The following WDR27 variants were observed in gnomAD, a reference collection of about 807,000 sequenced individuals.
WDR27 encodes the protein WD repeat-containing protein 27.
A neutral mutation model predicts 114.4 loss-of-function variants in WDR27; 100 were observed. The ratio of observed to expected loss-of-function variants is 0.87; its 90% CI spans 0.74 to 1.03. WDR27 has a LOEUF of 1.03. WDR27 is among the 50% of genes least tolerant of loss of function. The pLI is 0.00. For synonymous variants in WDR27, 449 were observed against 423.1 expected, an observed-to-expected ratio of 1.06 and a Z score of -0.75; for missense variants, 1,129 against 1,092.9, an observed-to-expected ratio of 1.03 and a Z score of -0.47.
At chr6:169,688,757 AAGACATGG>A in intron 2 of WDR27, 52 bp downstream of exon 2, 1 of 1,381,890 alleles carries the variant, frequency 7.2e-7, no homozygotes, top group South Asian at 1.8e-5. Flanking sequence ...AACAGCATCA[AAGACATGG>A]AGAGACAAGG....
At chr6:169,624,337 C>T (rs1212858434) in intron 21 of WDR27, among the ~76,000 whole-genome samples, 1 of 152,142 alleles carries the variant, frequency 6.6e-6, no homozygotes, top group African/African-American at 2.4e-5. Flanking sequence ...CAGATACACT[C>T]TGGATCCGAG....
intron 1 of WDR27, among the ~76,000 whole-genome samples, chr6:169,695,888 T>C (rs1785797098): frequency 6.6e-6 from 1 of 152,164 alleles, no homozygotes; most frequent in Non-Finnish European, 1.5e-5. Context: ...CCTGCTGTGG[T>C]TACCGGCTCT....
chr6:169,433,573 T>C, the WDR27 span, among the ~76,000 whole-genome samples: 2 of 152,326 alleles, frequency 1.3e-5, no homozygotes, highest in East Asian at 1.9e-4. Flanking sequence ...GTCTTTATAG[T>C]AGAATGATTT....
intron 17 of WDR27, 126 bp downstream of exon 17, chr6:169,643,566 CCAATT>C: frequency 1.5e-6 from 1 of 672,110 alleles, no homozygotes; most frequent in Non-Finnish European, 2.5e-6. Flanking sequence ...AGTTTAGACT[CCAATT>C]CAAGCCATGG....
chr6:169,544,592 G>A (rs1052456563), intron 25 of WDR27, among the ~76,000 whole-genome samples: 17 of 151,930 alleles, frequency 1.1e-4, no homozygotes, highest in African/African-American at 4.1e-4. Flanking sequence ...GCACCACCAC[G>A]CCCAGCTAAT....
chr6:169,674,151 T>A (rs530920983), intron 2 of WDR27, among the ~76,000 whole-genome samples: 5 of 152,214 alleles, frequency 3.3e-5, no homozygotes, highest in South Asian at 2.1e-4. Flanking sequence ...TTTTTTTTCA[T>A]ATACAAAATC....
rs74738831 is a variant in WDR27, at chr6:169,673,321, C to A, written c.190-925G>T. Among the ~76,000 whole-genome samples the A allele has an allele frequency of 9.3e-4, 141 of 152,100 alleles. 1 individual carries two copies. The East Asian group carries it at 0.021, about 23-fold the overall frequency. On this transcript the variant is annotated intron_variant, in intron 2 of 25. Transcript: ENST00000448612. ...ATATGAGAGATATCACTGGAGAATTCCACTTCTAGTAAAGGCAGGATACGT... is the reference window on the plus strand; with the variant it reads ...ATATGAGAGATATCACTGGAGAATTACACTTCTAGTAAAGGCAGGATACGT...
chr6:169,539,663 C>T (rs1408034854), intron 25 of WDR27, among the ~76,000 whole-genome samples: 1 of 152,174 alleles, frequency 6.6e-6, no homozygotes, highest in African/African-American at 2.4e-5. Context: ...AGTGCTAAGA[C>T]TGACGATGCT....
intron 21 of WDR27, among the ~76,000 whole-genome samples, chr6:169,624,641 T>C (rs79424084): frequency 1.3e-5 from 2 of 152,170 alleles, no homozygotes; most frequent in Non-Finnish European, 2.9e-5. Context: ...AAAACTTCAT[T>C]AATTTTCATA....
chr6:169,555,530 C>A (rs1184765561), intron 25 of WDR27, among the ~76,000 whole-genome samples: 1 of 152,050 alleles, frequency 6.6e-6, no homozygotes, highest in Non-Finnish European at 1.5e-5. Flanking sequence ...CACAAAAATT[C>A]TTAGGGGAAA....
chr6:169,700,493 G>A (rs1220808104), intron 1 of WDR27, among the ~76,000 whole-genome samples: 3 of 152,182 alleles, frequency 2.0e-5, no homozygotes, highest in African/African-American at 7.2e-5. Context: ...CCATGTAGTC[G>A]TTGAGTGCCT....
intron 20 of WDR27, 141 bp downstream of exon 20, chr6:169,634,287 T>C: frequency 1.7e-6 from 1 of 590,694 alleles, no homozygotes; most frequent in Non-Finnish European, 3.0e-6. Flanking sequence ...AACACAAGGA[T>C]GGCGAGCTCC....
chr6:169,541,955 T>C (rs1171971447), intron 25 of WDR27, among the ~76,000 whole-genome samples: 1 of 152,212 alleles, frequency 6.6e-6, no homozygotes, highest in Admixed American at 6.5e-5. Context: ...AACAATTTCA[T>C]GATTTCTGAA....
At chr6:169,633,755 T>C (rs558751676) in intron 20 of WDR27, among the ~76,000 whole-genome samples, 1 of 152,350 alleles carries the variant, frequency 6.6e-6, no homozygotes, top group South Asian at 2.1e-4. Context: ...CCAGAAACCA[T>C]CATTTAAGCT....
chr6:169,566,976 G>A (rs1216181527), intron 25 of WDR27, among the ~76,000 whole-genome samples: 1 of 152,186 alleles, frequency 6.6e-6, no homozygotes, highest in Admixed American at 6.5e-5. Flanking sequence ...GCAGAGGGGA[G>A]GCATCCCACA....
At chr6:169,518,435 T>C (rs1282913415) in intron 25 of WDR27, among the ~76,000 whole-genome samples, 1 of 152,274 alleles carries the variant, frequency 6.6e-6, no homozygotes, top group Non-Finnish European at 1.5e-5. Flanking sequence ...ACAGGCTTAA[T>C]GCCACATGGA....
intron 23 of WDR27, among the ~76,000 whole-genome samples, chr6:169,585,474 G>A (rs1301863140): frequency 6.6e-6 from 1 of 152,098 alleles, no homozygotes; most frequent in African/African-American, 2.4e-5. Context: ...GAGCAACATG[G>A]TGGCTAGAGG....
chr6:169,673,075 G>A (rs1779167813), intron 2 of WDR27, among the ~76,000 whole-genome samples: 1 of 152,160 alleles, frequency 6.6e-6, no homozygotes, highest in Non-Finnish European at 1.5e-5. Context: ...GAAAGACAGT[G>A]ATGATGGAGA....
chr6:169,640,850 C>G (rs1008556250), intron 17 of WDR27, among the ~76,000 whole-genome samples: 1 of 152,232 alleles, frequency 6.6e-6, no homozygotes, highest in Non-Finnish European at 1.5e-5. Context: ...AGAGGTCGCA[C>G]AGGAGGGAGG....
Sources: gnomAD v4.1 joint callset for allele counts (sites outside exome capture counted in the v4.1 genomes callset) on GRCh38, gnomAD v4.1.1 for gene constraint, MANE v1.5 for transcripts, NCBI Gene and HGNC (gene_info 2026-07-23, HGNC 2026-07-21) for gene names.